The following MCTP1 variants were observed in gnomAD, a reference collection of about 807,000 sequenced individuals.
The protein encoded by MCTP1 is multiple C2 and transmembrane domain containing 1.
A neutral mutation model predicts 120.6 loss-of-function variants in MCTP1; 69 were observed. That is an observed-to-expected ratio of 0.57 (90% confidence interval 0.47 to 0.70). The LOEUF is 0.70. Ranked by LOEUF, MCTP1 falls within the 30% of genes least tolerant of loss-of-function variation. The pLI, the probability that MCTP1 is intolerant of heterozygous loss-of-function variation, is 0.00. For missense variants in MCTP1, 1,203 were observed against 1,248.8 expected (o/e 0.96, Z 0.55); for synonymous variants, 529 against 493.1 (o/e 1.07, Z -0.96).
intron 1 of MCTP1, among the ~76,000 whole-genome samples, chr5:95,157,945 T>C (rs1745309444): frequency 6.6e-6 from 1 of 152,222 alleles, no homozygotes; most frequent in African/African-American, 2.4e-5. Context: ...ATTTACTGGT[T>C]CTTTACAGAA....
At chr5:94,752,098 TA>T (rs1199564378) in intron 19 of MCTP1, among the ~76,000 whole-genome samples, 6 of 111,352 alleles carry the variant, frequency 5.4e-5, no homozygotes, top group Admixed American at 3.9e-4. Context: ...CCCTAAAACT[TA>T]AATAATAAAA....
At chr5:95,173,500 G>A (rs1014353609) in intron 1 of MCTP1, among the ~76,000 whole-genome samples, 3 of 152,122 alleles carry the variant, frequency 2.0e-5, no homozygotes, top group Non-Finnish European at 4.4e-5. Context: ...TAGCTCCTCA[G>A]TGTTTATAAA....
At chr5:94,961,810 C>T (rs935895662) in intron 2 of MCTP1, among the ~76,000 whole-genome samples, 5 of 152,144 alleles carry the variant, frequency 3.3e-5, no homozygotes, top group African/African-American at 7.2e-5. Context: ...TACATTGAAG[C>T]TACAATTAAT....
chr5:94,724,861 A>G (rs908638382), intron 19 of MCTP1, among the ~76,000 whole-genome samples: 7 of 152,140 alleles, frequency 4.6e-5, no homozygotes, highest in Non-Finnish European at 4.4e-5. Flanking sequence ...CTGCTTTCAG[A>G]TGGACTCCAA....
intron 19 of MCTP1, 121 bp from the exon 20 acceptor site, chr5:94,715,007 AAATGG>A: frequency 3.2e-6 from 2 of 633,210 alleles, no homozygotes; most frequent in Non-Finnish European, 5.5e-6. Flanking sequence ...GTGTGGTTAT[AAATGG>A]ATAATTGGAA....
At chr5:95,038,386 A>G (rs1347689648) in intron 1 of MCTP1, among the ~76,000 whole-genome samples, 1 of 152,362 alleles carries the variant, frequency 6.6e-6, no homozygotes, top group East Asian at 1.9e-4. Flanking sequence ...ATAATATACC[A>G]ATATAAATAA....
intron 1 of MCTP1, among the ~76,000 whole-genome samples, chr5:95,177,124 T>C (rs539585204): frequency 6.6e-6 from 1 of 151,322 alleles, no homozygotes; most frequent in South Asian, 2.1e-4. Context: ...TTAGGGTGTG[T>C]ATACATAGAA....
chr5:95,053,738 C>T (rs1371005054), intron 1 of MCTP1, among the ~76,000 whole-genome samples: 1 of 151,854 alleles, frequency 6.6e-6, no homozygotes, highest in African/African-American at 2.4e-5. Context: ...AAAATTACAA[C>T]ACAATCCTTT....
At chr5:94,919,403 T>C (rs1457119490) in intron 7 of MCTP1, among the ~76,000 whole-genome samples, 1 of 144,470 alleles carries the variant, frequency 6.9e-6, no homozygotes, top group Non-Finnish European at 1.6e-5. Flanking sequence ...GATTTAGACT[T>C]AATATGATAC....
intron 1 of MCTP1, among the ~76,000 whole-genome samples, chr5:95,236,903 C>A (rs1273496667): frequency 6.6e-6 from 1 of 152,086 alleles, no homozygotes; most frequent in East Asian, 1.9e-4. Flanking sequence ...CCAAACTGAC[C>A]CTGGAACTGC....
At chr5:94,826,772 CTTTTTTTTTTTTTTTTTTTTTTTT>C in intron 17 of MCTP1, 1 of 39,334 alleles carries the variant, frequency 2.5e-5, no homozygotes, top group East Asian at 7.8e-4. Flanking sequence ...GTGACCCCTG[CTTTTTTTTTTTTTTTTTTTTTTTT>C]TTTTTTTTTT....
intron 1 of MCTP1, among the ~76,000 whole-genome samples, chr5:95,068,307 G>A (rs184033321): frequency 1.3e-5 from 2 of 152,258 alleles, no homozygotes; most frequent in African/African-American, 4.8e-5. Flanking sequence ...AGAGAGAAGA[G>A]AGGAGACAGA....
chr5:94,906,963 T>C (rs777041112), intron 10 of MCTP1, among the ~76,000 whole-genome samples: 1 of 152,228 alleles, frequency 6.6e-6, no homozygotes, highest in African/African-American at 2.4e-5. Flanking sequence ...GACAGTTTTA[T>C]TACTGTTACT....
Position 94,737,730 on chromosome 5 carries a change from C to T in MCTP1, c.2611-22844G>A, listed in dbSNP as rs115021198. ...TCACTCTGTAGCTCAAGCTGGAGTC[C>T]CGTGGTGCGATCTTGGCTCACTGCA... On this transcript the variant is annotated intron_variant, in intron 19 of 22. Coordinates refer to ENST00000515393, the MANE Select transcript of MCTP1 (RefSeq NM_024717.7). 3.7e-3 allele frequency among the ~76,000 whole-genome samples: 561 copies of T among 152,272 alleles called. 3 individuals are homozygous for T. The highest frequency in any genetic ancestry group is 0.013 in the African/African-American group (540 of 41,550).
At chr5:95,227,569 A>G (rs904328116) in intron 1 of MCTP1, among the ~76,000 whole-genome samples, 6 of 152,206 alleles carry the variant, frequency 3.9e-5, no homozygotes, top group African/African-American at 1.4e-4. Context: ...GCAACTTTAT[A>G]GGAATCATAG....
chr5:94,854,758 A>G (rs912852379), intron 17 of MCTP1, among the ~76,000 whole-genome samples: 1 of 151,914 alleles, frequency 6.6e-6, no homozygotes, highest in Non-Finnish European at 1.5e-5. Flanking sequence ...TACTTTCAGC[A>G]TTGGCAAAGC....
At chr5:95,224,994 A>G (rs767654763) in intron 1 of MCTP1, among the ~76,000 whole-genome samples, 13 of 152,238 alleles carry the variant, frequency 8.5e-5, no homozygotes, top group Non-Finnish European at 1.5e-4. Context: ...AATAAAGAAC[A>G]TATTAAGAGG....
chr5:94,716,581 T>C (rs1759447413), intron 19 of MCTP1, among the ~76,000 whole-genome samples: 1 of 152,144 alleles, frequency 6.6e-6, no homozygotes. Flanking sequence ...TACTCATAAA[T>C]ATTTAACCAC....
chr5:94,992,043 T>A (rs2153617240), intron 2 of MCTP1, among the ~76,000 whole-genome samples: 1 of 152,264 alleles, frequency 6.6e-6, no homozygotes, highest in South Asian at 2.1e-4. Context: ...TACAAAGGCA[T>A]ACAATGAGTA....
Sources: allele counts gnomAD v4.1 joint callset (sites outside exome capture counted in the v4.1 genomes callset), GRCh38; gene constraint gnomAD v4.1.1; transcripts MANE v1.5; gene names NCBI Gene and HGNC (gene_info 2026-07-23, HGNC 2026-07-21).